MYO9A: variants seen among roughly 807,000 people sequenced by gnomAD.
MYO9A encodes the protein unconventional myosin-IXa.
In MYO9A, 103 loss-of-function variants were observed where a neutral mutation model predicts 293.3. That is an observed-to-expected ratio of 0.35 (90% CI 0.30 to 0.41). MYO9A has a LOEUF of 0.41. Among genes scored for constraint, MYO9A ranks in the 10% least tolerant of loss-of-function variants. The pLI, the probability that MYO9A is intolerant of heterozygous loss-of-function variation, is 1.00. For synonymous variants in MYO9A, 1,001 were observed against 1,035.7 expected, an observed-to-expected ratio of 0.97 and a Z score of 0.64; for missense variants, 2,685 against 3,033.0, an observed-to-expected ratio of 0.89 and a Z score of 2.69.
intron 39 of MYO9A, among the ~76,000 whole-genome samples, chr15:71,837,726 T>C (rs1357302245): frequency 6.6e-6 from 1 of 152,118 alleles, no homozygotes; most frequent in Non-Finnish European, 1.5e-5. Flanking sequence ...CCTAGAATTA[T>C]CTTAAAAAGA....
chr15:71,982,317 G>A (rs1314356871), intron 11 of MYO9A, among the ~76,000 whole-genome samples: 2 of 151,976 alleles, frequency 1.3e-5, no homozygotes, highest in East Asian at 3.9e-4. Flanking sequence ...ACCGTGCCCA[G>A]CCTAGAATAT....
chr15:71,907,535 GT>G (rs1193950299), intron 19 of MYO9A, among the ~76,000 whole-genome samples: 39 of 135,120 alleles, frequency 2.9e-4, no homozygotes, highest in Admixed American at 6.9e-4. Flanking sequence ...TTCCACAATG[GT>G]TGAACTAGTT....
chr15:71,930,496 CTGTTA>C (rs1407839272), intron 18 of MYO9A, among the ~76,000 whole-genome samples: 1 of 151,980 alleles, frequency 6.6e-6, no homozygotes, highest in Non-Finnish European at 1.5e-5. Context: ...TTTATTTTGT[CTGTTA>C]TAAGGATAAC....
At position 72,046,397 on chromosome 15, in the gene MYO9A, T is replaced by C; in HGVS notation, c.167A>G (p.Asp56Gly). The change falls in exon 2 of 42, where the codon GAC (aspartate) becomes GGC (glycine). Residue 56 changes from aspartate to glycine, a missense_variant. Around this residue, in one of 10 missense-constraint regions of MYO9A, gnomAD observed 22 missense variants for 47.2 expected, o/e 0.47. Coordinates refer to ENST00000356056, the MANE Select transcript of MYO9A (RefSeq NM_006901.4). The part of the protein sequence containing the change: ...IESLINKLHL[D>G]KTKCYVLAEV... ...TGCTAGAACATAACATTTTGTTTTG[T>C]CAAGATGAAGTTTGTTTATAAGAGA... The C allele has an allele frequency of 1.9e-6, 3 of 1,614,210 alleles. No homozygotes were observed. The highest frequency in any genetic ancestry group is 2.5e-6 in the Non-Finnish European group (3 of 1,180,032).
intron 18 of MYO9A, among the ~76,000 whole-genome samples, chr15:71,927,554 C>T (rs990150489): frequency 4.6e-5 from 7 of 152,188 alleles, no homozygotes; most frequent in South Asian, 2.1e-4. Context: ...ATCCCATGGC[C>T]GGCCCTGCAG....
intron 13 of MYO9A, among the ~76,000 whole-genome samples, chr15:71,965,071 G>A (rs2075838945): frequency 6.6e-6 from 1 of 151,598 alleles, no homozygotes; most frequent in Non-Finnish European, 1.5e-5. Context: ...ACAAGTTTCT[G>A]ATAGGCTGGA....
At chr15:72,045,501 G>A in intron 2 of MYO9A, 1 of 364,946 alleles carries the variant, frequency 2.7e-6, no homozygotes. Context: ...CCTGACCTCA[G>A]GTGATCCACC....
intron 14 of MYO9A, chr15:71,958,893 T>C (rs1044520217): frequency 6.6e-5 from 10 of 152,198 alleles, no homozygotes; most frequent in African/African-American, 2.4e-4. Context: ...GCCAAAGGAA[T>C]ATACAGATAA....
At chr15:72,062,536 C>A (rs1164056669) in intron 1 of MYO9A, among the ~76,000 whole-genome samples, 1 of 152,092 alleles carries the variant, frequency 6.6e-6, no homozygotes, top group Non-Finnish European at 1.5e-5. Flanking sequence ...AATTTGGGAG[C>A]TGAAAAATTC....
intron 1 of MYO9A, among the ~76,000 whole-genome samples, chr15:72,071,614 G>A (rs959280107): frequency 3.3e-5 from 5 of 151,992 alleles, no homozygotes; most frequent in East Asian, 3.9e-4. Context: ...GGTAGCACAC[G>A]GCTGTAATCC....
intron 1 of MYO9A, among the ~76,000 whole-genome samples, chr15:72,101,519 G>T (rs1394629796): frequency 9.4e-6 from 1 of 106,158 alleles, no homozygotes; most frequent in Non-Finnish European, 2.0e-5. Flanking sequence ...GAGGTGGGGG[G>T]GTCAGCCCCC....
chr15:72,031,816 G>C (rs984107895), intron 3 of MYO9A, among the ~76,000 whole-genome samples: 6 of 151,776 alleles, frequency 4.0e-5, no homozygotes, highest in African/African-American at 1.5e-4. Context: ...AAACAATATT[G>C]TAACAAAATT....
At chr15:71,900,091 G>T in intron 23 of MYO9A, 85 bp from the exon 24 acceptor site, 1 of 1,324,436 alleles carries the variant, frequency 7.6e-7, no homozygotes, top group Non-Finnish European at 1.0e-6. Context: ...AATTTCTTAT[G>T]TCATAATTAC....
intron 18 of MYO9A, among the ~76,000 whole-genome samples, chr15:71,931,266 ACT>A (rs2058467058): frequency 1.3e-5 from 2 of 152,196 alleles, no homozygotes; most frequent in Admixed American, 1.3e-4. Flanking sequence ...AGAAAGTAGA[ACT>A]CTACTTGTAA....
intron 3 of MYO9A, among the ~76,000 whole-genome samples, chr15:72,031,147 G>A (rs1352273531): frequency 6.6e-6 from 1 of 152,156 alleles, no homozygotes; most frequent in African/African-American, 2.4e-5. Flanking sequence ...CCATCCCCCA[G>A]TCTGTGGAAA....
At chr15:71,868,198 T>C (rs771032178) in intron 32 of MYO9A, among the ~76,000 whole-genome samples, 2 of 152,204 alleles carry the variant, frequency 1.3e-5, no homozygotes. Flanking sequence ...TTCCATGTGG[T>C]TGTTGGACTG....
chr15:71,941,999 G>T (rs2058788812), intron 15 of MYO9A, among the ~76,000 whole-genome samples: 1 of 151,896 alleles, frequency 6.6e-6, no homozygotes, highest in Non-Finnish European at 1.5e-5. Flanking sequence ...TAGCACTGTT[G>T]TTCACAATAG....
In MYO9A at chr15:72,018,595, T is replaced by C. The variant is rs56168468; in HGVS notation, c.1155+444A>G. Among the ~76,000 whole-genome samples the C allele has an allele frequency of 6.0e-3, 908 of 152,300 alleles. 11 individuals are homozygous for C. Among genetic ancestry groups the C allele is most frequent in the African/African-American group, 0.019 (805 of 41,568 alleles). ...AAAATATACATGCATTCATTATGTG[T>C]AAAGACTGTTGATATATAAAACATA... On this transcript the variant is annotated intron_variant, in intron 6 of 41. Coordinates refer to ENST00000356056, the MANE Select transcript of MYO9A (RefSeq NM_006901.4).
chr15:71,969,597 G>C (rs1020925031), intron 12 of MYO9A, among the ~76,000 whole-genome samples: 2 of 152,148 alleles, frequency 1.3e-5, no homozygotes, highest in African/African-American at 4.8e-5. Flanking sequence ...AAGGCAGGAT[G>C]CTCACTTCGT....
Sources: allele counts gnomAD v4.1 joint callset (sites outside exome capture counted in the v4.1 genomes callset), GRCh38; gene constraint gnomAD v4.1.1; regional missense constraint gnomAD v4.1.1; transcripts MANE v1.5; gene names NCBI Gene and HGNC (gene_info 2026-07-23, HGNC 2026-07-21).